Variants in TBCA observed in about 807,000 individuals in gnomAD.
TBCA encodes tubulin folding cofactor A.
A neutral mutation model predicts 15.8 loss-of-function variants in TBCA; 6 were observed. The observed-to-expected ratio is 0.38, with a 90% confidence interval of 0.21 to 0.75. The LOEUF is 0.75. Among genes scored for constraint, TBCA ranks in the 30% least tolerant of loss-of-function variants. TBCA has a pLI of 0.46. For missense variants in TBCA, 90 were observed against 131.2 expected (o/e 0.69, Z 1.53); for synonymous variants, 32 against 42.3 (o/e 0.76, Z 0.94).
intron 1 of TBCA, among the ~76,000 whole-genome samples, chr5:77,719,015 C>G (rs761923255): frequency 6.6e-6 from 1 of 152,114 alleles, no homozygotes; most frequent in South Asian, 2.1e-4. Context: ...TTGTCTACTT[C>G]GACAATTAAA....
chr5:77,735,029 C>T (rs1413588415), intron 1 of TBCA, among the ~76,000 whole-genome samples: 8 of 152,148 alleles, frequency 5.3e-5, no homozygotes. Context: ...CTATTGCACA[C>T]ATAATATACT....
intron 1 of TBCA, among the ~76,000 whole-genome samples, chr5:77,744,085 T>C (rs995702582): frequency 2.0e-5 from 3 of 152,214 alleles, no homozygotes; most frequent in Admixed American, 6.5e-5. Context: ...AGCCATCACA[T>C]ACATTTTATT....
intron 1 of TBCA, among the ~76,000 whole-genome samples, chr5:77,722,324 T>C (rs187998500): frequency 6.6e-6 from 1 of 152,096 alleles, no homozygotes; most frequent in Non-Finnish European, 1.5e-5. Context: ...TGTCCTTTAA[T>C]TGATCATGTA....
chr5:77,698,940 A>G (rs1476873168), intron 2 of TBCA, among the ~76,000 whole-genome samples: 1 of 151,808 alleles, frequency 6.6e-6, no homozygotes, highest in Non-Finnish European at 1.5e-5. Context: ...TACAAGATCA[A>G]CATAAAAACA....
intron 1 of TBCA, among the ~76,000 whole-genome samples, chr5:77,717,377 A>G (rs902109439): frequency 6.6e-6 from 1 of 152,232 alleles, no homozygotes; most frequent in Non-Finnish European, 1.5e-5. Flanking sequence ...AAATTGAAGT[A>G]TCTCTTATTT....
At chr5:77,733,945 C>T (rs929581057) in intron 1 of TBCA, among the ~76,000 whole-genome samples, 4 of 152,184 alleles carry the variant, frequency 2.6e-5, no homozygotes, top group African/African-American at 7.2e-5. Context: ...GAAGCCAATG[C>T]TCATTTACCA....
intron 2 of TBCA, among the ~76,000 whole-genome samples, chr5:77,694,458 A>C (rs1745828420): frequency 6.6e-6 from 1 of 152,182 alleles, no homozygotes; most frequent in Admixed American, 6.5e-5. Context: ...CAAATCATGA[A>C]AGAAAAAAAA....
intron 1 of TBCA, among the ~76,000 whole-genome samples, chr5:77,725,696 A>G (rs1746618374): frequency 6.6e-6 from 1 of 152,210 alleles, no homozygotes; most frequent in African/African-American, 2.4e-5. Flanking sequence ...TTGCTCAGAA[A>G]GCCTAAAACA....
At chr5:77,714,605 C>T (rs1265199811) in intron 1 of TBCA, among the ~76,000 whole-genome samples, 2 of 148,962 alleles carry the variant, frequency 1.3e-5, no homozygotes, top group Non-Finnish European at 3.0e-5. Flanking sequence ...CTGTCTCTGT[C>T]GCCCAAGCTG....
intron 2 of TBCA, among the ~76,000 whole-genome samples, chr5:77,698,890 A>C (rs1027539545): frequency 6.6e-6 from 1 of 152,114 alleles, no homozygotes; most frequent in Non-Finnish European, 1.5e-5. Context: ...AATGAATATA[A>C]TCCTAGAACT....
At chr5:77,724,081 T>C (rs1746580030) in intron 1 of TBCA, among the ~76,000 whole-genome samples, 1 of 152,034 alleles carries the variant, frequency 6.6e-6, no homozygotes, top group Admixed American at 6.6e-5. Context: ...TAGGGCTTCT[T>C]TGTGTACACG....
Position 77,693,292 on chromosome 5 carries a change from C to T in TBCA, c.220G>A (p.Ala74Thr), listed in dbSNP as rs1392871568. 6 of 1,613,752 alleles carry T rather than the reference C, an allele frequency of 3.7e-6. No individual in the cohort carries two copies. The highest frequency in any genetic ancestry group is 3.3e-5 in the South Asian group (3 of 90,992). The change falls in exon 3 of 4, where the codon GCA (alanine) becomes ACA (threonine). Residue 74 changes from alanine to threonine, a missense_variant. Coordinates refer to ENST00000380377, the MANE Select transcript of TBCA (RefSeq NM_004607.3). ...IPDCQRRLEAAYLDLQRILEN... is the reference protein window; with the variant it reads ...IPDCQRRLEATYLDLQRILEN... ...AGTATCCGTTGAAGATCCAAATATG[C>T]GGCTTCCAACCTGCGCTGGCAATCT...
intron 1 of TBCA, among the ~76,000 whole-genome samples, chr5:77,748,162 T>C (rs779689286): frequency 3.3e-5 from 5 of 152,106 alleles, no homozygotes; most frequent in African/African-American, 4.8e-5. Flanking sequence ...CTGAACCTAG[T>C]TTCAAGGACT....
chr5:77,755,162 T>C (rs768619222), intron 1 of TBCA, among the ~76,000 whole-genome samples: 7 of 152,230 alleles, frequency 4.6e-5, no homozygotes, highest in Non-Finnish European at 8.8e-5. Flanking sequence ...AGTAGAAAAG[T>C]AGCAGCAGAC....
intron 1 of TBCA, among the ~76,000 whole-genome samples, chr5:77,730,185 G>A (rs1746733155): frequency 6.6e-6 from 1 of 152,164 alleles, no homozygotes; most frequent in African/African-American, 2.4e-5. Flanking sequence ...ATCTTCTTTG[G>A]AAATATCGAT....
At chr5:77,703,755 C>T (rs143511357) in intron 2 of TBCA, among the ~76,000 whole-genome samples, 2 of 152,070 alleles carry the variant, frequency 1.3e-5, no homozygotes, top group African/African-American at 4.8e-5. Flanking sequence ...TTTTTTGTAT[C>T]CTAATAAAAT....
At chr5:77,696,044 T>C (rs1263945120) in intron 2 of TBCA, among the ~76,000 whole-genome samples, 4 of 152,326 alleles carry the variant, frequency 2.6e-5, no homozygotes, top group African/African-American at 7.2e-5. Flanking sequence ...TATACCCCAA[T>C]TGGCAGATCT....
chr5:77,748,301 T>C (rs977610817), intron 1 of TBCA, among the ~76,000 whole-genome samples: 5 of 152,000 alleles, frequency 3.3e-5, no homozygotes, highest in Non-Finnish European at 7.4e-5. Context: ...CTACCAGTAA[T>C]TAGCTGGGTA....
At chr5:77,705,232 T>C (rs973665222) in intron 2 of TBCA, among the ~76,000 whole-genome samples, 11 of 152,212 alleles carry the variant, frequency 7.2e-5, no homozygotes, top group Non-Finnish European at 1.5e-4. Context: ...ATGTAACTGA[T>C]AACTCCTATT....
Sources: gnomAD v4.1 joint callset for allele counts (sites outside exome capture counted in the v4.1 genomes callset) on GRCh38, gnomAD v4.1.1 for gene constraint, MANE v1.5 for transcripts, NCBI Gene and HGNC (gene_info 2026-07-23, HGNC 2026-07-21) for gene names.